Variants in SASS6 observed in about 807,000 individuals in gnomAD.
The protein encoded by SASS6 is spindle assembly abnormal protein 6 homolog.
SASS6 carries 59 observed loss-of-function variants against 94.9 expected under a neutral mutation model. The observed-to-expected ratio is 0.62, with a 90% CI of 0.50 to 0.77. SASS6 has a LOEUF of 0.77. SASS6 is among the 30% of genes least tolerant of loss of function. SASS6 has a pLI of 0.00. For missense variants in SASS6, 698 were observed against 734.1 expected, an observed-to-expected ratio of 0.95 and a Z score of 0.57; for synonymous variants, 264 against 270.0, an observed-to-expected ratio of 0.98 and a Z score of 0.22.
chr1:100,130,406 C>T (rs192115624), intron 1 of SASS6, among the ~76,000 whole-genome samples: 14 of 152,260 alleles, frequency 9.2e-5, no homozygotes, highest in Admixed American at 7.8e-4. Context: ...CTGGGCTGGG[C>T]GTGGTGGCTC....
At chr1:100,089,893 T>G (rs944638705) in intron 14 of SASS6, among the ~76,000 whole-genome samples, 1 of 151,776 alleles carries the variant, frequency 6.6e-6, no homozygotes, top group Admixed American at 6.6e-5. Context: ...TATACTTGAT[T>G]GTTTAAAGAA....
chr1:100,092,187 TA>T (rs1651759348), intron 14 of SASS6, among the ~76,000 whole-genome samples: 1 of 150,618 alleles, frequency 6.6e-6, no homozygotes, highest in Non-Finnish European at 1.5e-5. Flanking sequence ...ATATATATAT[TA>T]AAAGCAGGCA....
chr1:100,131,297 C>T (rs1570716332), intron 1 of SASS6, among the ~76,000 whole-genome samples: 1 of 151,790 alleles, frequency 6.6e-6, no homozygotes, highest in African/African-American at 2.4e-5. Context: ...TCAAGCAATC[C>T]TCCTGTCTTG....
intron 7 of SASS6, among the ~76,000 whole-genome samples, chr1:100,118,781 A>G (rs754214187): frequency 5.3e-5 from 8 of 152,156 alleles, no homozygotes; most frequent in Non-Finnish European, 1.0e-4. Context: ...TTATAAACAA[A>G]TATTTATAAA....
chr1:100,091,053 C>T (rs1651643844), intron 14 of SASS6, among the ~76,000 whole-genome samples: 1 of 152,068 alleles, frequency 6.6e-6, no homozygotes, highest in South Asian at 2.1e-4. Flanking sequence ...GCATGTGATC[C>T]CAGCATTTTG....
chr1:100,130,432 G>T lies in SASS6; in HGVS notation c.65+2318C>A, dbSNP rs554497334. Among the ~76,000 whole-genome samples the T allele has an allele frequency of 2.6e-5, 4 of 152,268 alleles. No individual in the cohort carries two copies. In the South Asian group the frequency reaches 8.3e-4, roughly 32 times the overall value. ...GTGGTGGCTCACGCCTATAATCCCC[G>T]AATTTTGGGAGGCTGGGGTGAGAGG... On this transcript the variant is annotated intron_variant, in intron 1 of 16. Transcript: ENST00000287482.
At chr1:100,119,879 TA>T (rs1029258768) in intron 6 of SASS6, among the ~76,000 whole-genome samples, 3 of 152,200 alleles carry the variant, frequency 2.0e-5, no homozygotes, top group African/African-American at 7.2e-5. Context: ...CTTTTCTTTA[TA>T]AATTACCCAG....
chr1:100,120,198 T>C (rs186358864), intron 6 of SASS6, among the ~76,000 whole-genome samples, 196 bp downstream of exon 6: 67 of 152,320 alleles, frequency 4.4e-4, no homozygotes, highest in Admixed American at 4.6e-4. Flanking sequence ...GAAATGTTTG[T>C]GTAAAATCAA....
At chr1:100,086,893 G>A (rs1429045470) in intron 15 of SASS6, among the ~76,000 whole-genome samples, 3 of 152,050 alleles carry the variant, frequency 2.0e-5, no homozygotes, top group Non-Finnish European at 4.4e-5. Context: ...ACCATTAACA[G>A]GAATTCAAGG....
chr1:100,095,673 C>A (rs995423255), intron 14 of SASS6, among the ~76,000 whole-genome samples: 2 of 152,180 alleles, frequency 1.3e-5, no homozygotes, highest in Admixed American at 1.3e-4. Context: ...GAAAATCCAA[C>A]AGAATTTACC....
intron 15 of SASS6, among the ~76,000 whole-genome samples, chr1:100,086,537 G>A (rs1651290886): frequency 6.7e-6 from 1 of 148,572 alleles, no homozygotes; most frequent in African/African-American, 2.5e-5. Context: ...TTTTGAGACA[G>A]GTTCTCGTTT....
chr1:100,104,031 A>G (rs1476743803), intron 13 of SASS6, among the ~76,000 whole-genome samples: 1 of 152,224 alleles, frequency 6.6e-6, no homozygotes. Context: ...AGGTGATTTA[A>G]GAAAAAGTTT....
chr1:100,117,835 G>A (rs1653910259), intron 7 of SASS6, among the ~76,000 whole-genome samples: 1 of 143,704 alleles, frequency 7.0e-6, no homozygotes, highest in Non-Finnish European at 1.5e-5. Flanking sequence ...TAAGAATTAA[G>A]AAGGTGGCAG....
intron 14 of SASS6, among the ~76,000 whole-genome samples, chr1:100,102,340 CA>C (rs1365266622): frequency 1.3e-5 from 2 of 150,998 alleles, no homozygotes; most frequent in African/African-American, 4.9e-5. Flanking sequence ...AAATCCTAGC[CA>C]GGCCTGAGAG....
Position 100,110,336 on chromosome 1 carries a change from AG to A in SASS6, c.816del (p.Ser273ProfsTer34), listed in dbSNP as rs1317535801. The A allele has an allele frequency of 6.3e-7, 1 of 1,596,670 alleles. No individual in the cohort carries two copies. The highest frequency in any genetic ancestry group is 8.5e-7 in the Non-Finnish European group (1 of 1,172,990). ...KDLTERKYKG[D>X]STIRELKAKL... is the part of the protein sequence containing the mutation. Reference sequence around the variant, plus strand: ...TTTGCTTTAAGTTCTCTAATAGTGGAGTCTCCTTTATATTTTCTTTCGGTTA... The same window carrying A: ...TTTGCTTTAAGTTCTCTAATAGTGGATCTCCTTTATATTTTCTTTCGGTTA... On this transcript the variant is annotated frameshift_variant, in exon 8 of 17. Coordinates refer to ENST00000287482, the MANE Select transcript of SASS6 (RefSeq NM_194292.3). LOFTEE classifies it high-confidence loss of function.
chr1:100,086,826 G>T (rs1409297718), intron 15 of SASS6, among the ~76,000 whole-genome samples: 1 of 151,826 alleles, frequency 6.6e-6, no homozygotes, highest in Admixed American at 6.6e-5. Flanking sequence ...GACTACAGGT[G>T]TATGTCACTA....
intron 14 of SASS6, among the ~76,000 whole-genome samples, chr1:100,101,475 A>G (rs181625429): frequency 2.0e-5 from 3 of 152,210 alleles, no homozygotes; most frequent in Admixed American, 2.0e-4. Context: ...TATAAGAATG[A>G]TAGTATTATT....
At chr1:100,129,837 T>C (rs1245741058) in intron 1 of SASS6, among the ~76,000 whole-genome samples, 1 of 152,148 alleles carries the variant, frequency 6.6e-6, no homozygotes, top group Non-Finnish European at 1.5e-5. Flanking sequence ...TTCCAAAATT[T>C]TGCATAATTT....
intron 8 of SASS6, among the ~76,000 whole-genome samples, chr1:100,110,068 C>T (rs1047182927): frequency 6.6e-6 from 1 of 151,972 alleles, no homozygotes; most frequent in African/African-American, 2.4e-5. Flanking sequence ...CAGTAATCTG[C>T]TCTCAAGACC....
Sources: gnomAD v4.1 joint callset for allele counts (sites outside exome capture counted in the v4.1 genomes callset) on GRCh38, gnomAD v4.1.1 for gene constraint, MANE v1.5 for transcripts, NCBI Gene and HGNC (gene_info 2026-07-23, HGNC 2026-07-21) for gene names.